Variants in LRRC37A observed in about 807,000 individuals in gnomAD.
The protein encoded by LRRC37A is leucine-rich repeat-containing protein 37A.
In LRRC37A, 3 loss-of-function variants were observed where a neutral mutation model predicts 35.4. The ratio of observed to expected loss-of-function variants is 0.08; its 90% CI spans 0.04 to 0.22. The LOEUF (loss-of-function observed/expected upper bound fraction) is 0.22. Ranked by LOEUF, LRRC37A falls within the 10% of genes least tolerant of loss-of-function variation. The pLI is 1.00. For missense variants in LRRC37A, 67 were observed against 565.3 expected, an observed-to-expected ratio of 0.12 and a Z score of 8.94; for synonymous variants, 23 against 215.0, an observed-to-expected ratio of 0.11 and a Z score of 7.81.
the LRRC37A span, among the ~76,000 whole-genome samples, chr17:46,281,319 G>A: frequency 6.6e-6 from 1 of 151,524 alleles, no homozygotes; most frequent in African/African-American, 2.4e-5. Context: ...GTCATTTGCT[G>A]AGTGAATGAA....
the LRRC37A span, chr17:46,267,439 C>T: frequency 3.1e-6 from 5 of 1,613,078 alleles, no homozygotes; most frequent in Admixed American, 1.7e-5. Flanking sequence ...CACTCACCCC[C>T]GACGTCTTCT....
the LRRC37A span, among the ~76,000 whole-genome samples, chr17:46,268,181 G>A: frequency 6.6e-6 from 1 of 152,140 alleles, no homozygotes; most frequent in African/African-American, 2.4e-5. Context: ...CACACCCCGT[G>A]CTACTTTTTG....
At chr17:46,249,729 C>T in the LRRC37A span, among the ~76,000 whole-genome samples, 1 of 152,314 alleles carries the variant, frequency 6.6e-6, no homozygotes, top group African/African-American at 2.4e-5. Context: ...AGAATCAAGA[C>T]CAGAGCCCCT....
At chr17:46,291,103 A>G (rs1251473115), upstream of LRRC37A, among the ~76,000 whole-genome samples, 3 of 152,266 alleles carry the variant, frequency 2.0e-5, no homozygotes, top group Non-Finnish European at 4.4e-5. Context: ...AAATTATTCA[A>G]CAGCCCTTCT....
chr17:46,267,023 C>G, the LRRC37A span: 1 of 190,534 alleles, frequency 5.2e-6, no homozygotes, highest in Non-Finnish European at 1.0e-5. Context: ...GCCCGCGCCG[C>G]CGCCGCGCCT....
At chr17:46,315,460 G>A (rs1467278603) in intron 5 of LRRC37A, among the ~76,000 whole-genome samples, 5 of 129,040 alleles carry the variant, frequency 3.9e-5, no homozygotes, top group Non-Finnish European at 6.7e-5. Context: ...CCGGGAGATC[G>A]GTGCTGCAGT....
the LRRC37A span, among the ~76,000 whole-genome samples, chr17:46,250,734 A>G: frequency 6.6e-6 from 1 of 152,182 alleles, no homozygotes; most frequent in Admixed American, 6.5e-5. Context: ...CTGTCCCTCT[A>G]GAGAACCCTG....
At chr17:46,269,468 G>C in the LRRC37A span, among the ~76,000 whole-genome samples, 1 of 152,236 alleles carries the variant, frequency 6.6e-6, no homozygotes, top group African/African-American at 2.4e-5. Context: ...GGAGGCAGAG[G>C]TTGTGGTGAG....
the LRRC37A span, among the ~76,000 whole-genome samples, chr17:46,253,908 C>T: frequency 1.3e-5 from 2 of 152,200 alleles, no homozygotes; most frequent in Admixed American, 1.3e-4. Flanking sequence ...GTAATTCTTT[C>T]CAAGGATTAA....
At chr17:46,267,892 T>TC in the LRRC37A span, among the ~76,000 whole-genome samples, 1 of 115,168 alleles carries the variant, frequency 8.7e-6, no homozygotes, top group East Asian at 2.7e-4. Flanking sequence ...CACTCCCACA[T>TC]CTTTTTTTTT....
the LRRC37A span, chr17:46,275,445 T>C: frequency 8.1e-4 from 694 of 859,812 alleles, no homozygotes; most frequent in Non-Finnish European, 1.1e-3. Flanking sequence ...AAGGGAACAA[T>C]TGAGCACCTT....
chr17:46,282,581 ATTTTT>A, the LRRC37A span, among the ~76,000 whole-genome samples: 1 of 136,208 alleles, frequency 7.3e-6, no homozygotes, highest in Non-Finnish European at 1.6e-5. Context: ...AGCCTGGTTA[ATTTTT>A]TTTTTTTTTT....
At chr17:46,285,669 A>G in the LRRC37A span, among the ~76,000 whole-genome samples, 1 of 152,334 alleles carries the variant, frequency 6.6e-6, no homozygotes, top group African/African-American at 2.4e-5. Flanking sequence ...AGATTATCTG[A>G]GTGTTAGATA....
At chr17:46,259,019 A>ATCTTTTTTTTTTT in the LRRC37A span, among the ~76,000 whole-genome samples, 1 of 79,468 alleles carries the variant, frequency 1.3e-5, no homozygotes, top group Non-Finnish European at 2.2e-5. Context: ...CACCCGGCCT[A>ATCTTTTTTTTTTT]TTTTTTTTTT....
chr17:46,337,692 CGGA>C (rs1284058321), exon 14 of LRRC37A: 6 of 612,528 alleles, frequency 9.8e-6, no homozygotes, highest in East Asian at 5.8e-5. Context: ...GAAGCCCCAA[CGGA>C]GGAGGAGGAG....
chr17:46,272,619 T>C, the LRRC37A span, among the ~76,000 whole-genome samples: 1 of 152,218 alleles, frequency 6.6e-6, no homozygotes, highest in Non-Finnish European at 1.5e-5. Context: ...TTCACCATGT[T>C]GGCCAGGTTG....
chr17:46,262,853 AAGC>A, the LRRC37A span, among the ~76,000 whole-genome samples: 1 of 152,186 alleles, frequency 6.6e-6, no homozygotes, highest in Non-Finnish European at 1.5e-5. Context: ...ACAGAGCAAA[AAGC>A]AGAATTGATG....
At chr17:46,325,607 T>A (rs1173794352) in intron 7 of LRRC37A, among the ~76,000 whole-genome samples, 1 of 81,574 alleles carries the variant, frequency 1.2e-5, no homozygotes, top group African/African-American at 3.1e-5. Flanking sequence ...TTTTAAGCCA[T>A]GTTATGATTA....
chr17:46,279,927 C>T, the LRRC37A span, among the ~76,000 whole-genome samples: 1 of 152,192 alleles, frequency 6.6e-6, no homozygotes, highest in Non-Finnish European at 1.5e-5. Context: ...ATGCATGAGT[C>T]ATTGTCTTGC....
Sources: gnomAD v4.1 joint callset for allele counts (sites outside exome capture counted in the v4.1 genomes callset) on GRCh38, gnomAD v4.1.1 for gene constraint, MANE v1.5 for transcripts, NCBI Gene and HGNC (gene_info 2026-07-23, HGNC 2026-07-21) for gene names.